TNFRSF10A: variants seen among roughly 807,000 people sequenced by gnomAD.
The protein encoded by TNFRSF10A is TNF receptor superfamily member 10a, also known as tumor necrosis factor receptor superfamily member 10A.
TNFRSF10A carries 44 observed loss-of-function variants against 42.8 expected under a neutral mutation model. The observed-to-expected ratio is 1.03, with a 90% CI of 0.81 to 1.32. The LOEUF is 1.32. Among genes scored for constraint, TNFRSF10A ranks in the 40% most tolerant of loss-of-function variants. The pLI, the probability that TNFRSF10A is intolerant of heterozygous loss-of-function variation, is 0.00. For missense variants in TNFRSF10A, 680 were observed against 602.0 expected, an observed-to-expected ratio of 1.13 and a Z score of -1.36; for synonymous variants, 259 against 234.2, an observed-to-expected ratio of 1.11 and a Z score of -0.97.
At chr8:23,223,316 C>G (rs55650056) in intron 1 of TNFRSF10A, among the ~76,000 whole-genome samples, 24,773 of 152,208 alleles carry the variant, frequency 0.16, 2,106 homozygotes, top group Middle Eastern at 0.24. Flanking sequence ...CCGCCCGCCT[C>G]GGCCTCCCAG....
intron 7 of TNFRSF10A, among the ~76,000 whole-genome samples, 161 bp downstream of exon 7, chr8:23,199,725 A>G (rs1248801532): frequency 1.3e-5 from 2 of 152,126 alleles, no homozygotes; most frequent in Non-Finnish European, 2.9e-5. Context: ...ATGATGCTCA[A>G]AAGGGCCTGT....
chr8:23,199,839 A>C lies in TNFRSF10A; in HGVS notation c.831+47T>G, dbSNP rs377652126. 9.5e-5 allele frequency: 153 copies of C among 1,613,886 alleles called. No homozygotes were observed. The Middle Eastern group carries it at 2.0e-3, about 21-fold the overall frequency. On this transcript the variant is annotated intron_variant, in intron 7 of 9. Coordinates refer to ENST00000221132, the MANE Select transcript of TNFRSF10A (RefSeq NM_003844.4). ...CTGGACTACACTGTGGGCAAGAAGC[A>C]GTTCCTGAGCCCCTGATGCCCCCAG... is the stretch of plus-strand genomic sequence containing the variant.
intron 2 of TNFRSF10A, chr8:23,207,512 G>A (rs78853375): frequency 0.019 from 6,419 of 340,654 alleles, 386 homozygotes; most frequent in African/African-American, 0.13. Flanking sequence ...CCTTTTTAAA[G>A]ACAGCAGAGG....
chr8:23,213,398 T>C (rs1158721470), intron 1 of TNFRSF10A, among the ~76,000 whole-genome samples: 1 of 150,976 alleles, frequency 6.6e-6, no homozygotes, highest in Non-Finnish European at 1.5e-5. Context: ...CTGTTATCTC[T>C]GATCTATTTT....
At chr8:23,207,984 A>C (rs1034987065) in intron 2 of TNFRSF10A, among the ~76,000 whole-genome samples, 4 of 152,076 alleles carry the variant, frequency 2.6e-5, no homozygotes, top group Non-Finnish European at 5.9e-5. Flanking sequence ...ATATGGAAGC[A>C]ACTTTGGAAC....
intron 2 of TNFRSF10A, among the ~76,000 whole-genome samples, chr8:23,209,007 G>A (rs1394626348): frequency 1.3e-5 from 2 of 152,178 alleles, no homozygotes; most frequent in African/African-American, 4.8e-5. Flanking sequence ...TTCCTGGTAG[G>A]AGTCCAGGGT....
At chr8:23,224,568 C>G (rs1363982985) in intron 1 of TNFRSF10A, 188 bp downstream of exon 1, 1 of 714,538 alleles carries the variant, frequency 1.4e-6, no homozygotes, top group Non-Finnish European at 2.3e-6. Flanking sequence ...GCCTCCAGGC[C>G]CGGGTCGCTC....
At chr8:23,217,091 C>T (rs986922101) in intron 1 of TNFRSF10A, among the ~76,000 whole-genome samples, 2 of 152,308 alleles carry the variant, frequency 1.3e-5, no homozygotes, top group African/African-American at 4.8e-5. Context: ...TCTGATCGTT[C>T]TATCAGTTGC....
At chr8:23,206,866 G>C in intron 2 of TNFRSF10A, 1 of 232,782 alleles carries the variant, frequency 4.3e-6, no homozygotes, top group Non-Finnish European at 8.7e-6. Flanking sequence ...AGCAAGTAAA[G>C]ATTTTGACTT....
rs1800760325 is a variant in TNFRSF10A at position 23,191,893 on chromosome 8, C to A, written c.1208G>T (p.Gly403Val). 1.2e-6 allele frequency: 2 copies of A among 1,614,044 alleles called. No individual in the cohort carries two copies. The highest frequency in any genetic ancestry group is 2.7e-5 in the African/African-American group (2 of 74,918). ...EIDVVRAGTA[G>V]PGDALYAMLM... The stretch of plus-strand genomic sequence containing the variant: ...CATTGCATACAAGGCATCCCCTGGG[C>A]CTGCTGTACCAGCTCTGACCACATC... Residue 403 changes from glycine (G) to valine (V), a missense_variant, in exon 10 of 10, where the codon GGC (glycine) becomes GTC (valine). Gly to Val is a moderately radical substitution (Grantham distance 109). Coordinates refer to ENST00000221132, the MANE Select transcript of TNFRSF10A (RefSeq NM_003844.4).
At chr8:23,211,250 T>C (rs1801088107) in intron 2 of TNFRSF10A, among the ~76,000 whole-genome samples, 1 of 152,192 alleles carries the variant, frequency 6.6e-6, no homozygotes, top group African/African-American at 2.4e-5. Context: ...ATTATATTTG[T>C]ATACACTCAC....
chr8:23,197,420 C>T (rs1471679014), intron 8 of TNFRSF10A: 2 of 585,816 alleles, frequency 3.4e-6, no homozygotes, highest in Non-Finnish European at 6.1e-6. Context: ...TCAGTGGCAA[C>T]ATTAGATTCT....
chr8:23,205,487 TA>T (rs893270980), intron 2 of TNFRSF10A, among the ~76,000 whole-genome samples: 1 of 152,208 alleles, frequency 6.6e-6, no homozygotes, highest in African/African-American at 2.4e-5. Context: ...CTATACATTG[TA>T]ATGTTATTTT....
intron 8 of TNFRSF10A, among the ~76,000 whole-genome samples, chr8:23,197,445 C>T (rs1800842544): frequency 6.6e-6 from 1 of 152,162 alleles, no homozygotes; most frequent in Non-Finnish European, 1.5e-5. Context: ...GGAGTGCAAA[C>T]CCTATTGTGA....
chr8:23,192,322 C>A (rs1800767991), intron 9 of TNFRSF10A, among the ~76,000 whole-genome samples: 1 of 152,180 alleles, frequency 6.6e-6, no homozygotes, highest in South Asian at 2.1e-4. Flanking sequence ...TGGGTGAGAG[C>A]CCGAGGGAGG....
At chr8:23,198,626 AAAAG>A (rs1050223260) in intron 8 of TNFRSF10A, among the ~76,000 whole-genome samples, 2 of 152,214 alleles carry the variant, frequency 1.3e-5, no homozygotes, top group Non-Finnish European at 2.9e-5. Flanking sequence ...AAAAGAAAAA[AAAAG>A]AAAAGAAAAA....
intron 1 of TNFRSF10A, among the ~76,000 whole-genome samples, chr8:23,214,475 C>A (rs1182861427): frequency 6.9e-6 from 1 of 144,066 alleles, no homozygotes; most frequent in African/African-American, 2.6e-5. Flanking sequence ...ACGACAGAGC[C>A]AGACTGTCTC....
rs925635923 is a variant in TNFRSF10A at position 23,196,438 on chromosome 8, C to T, written c.1087+694G>A. Among the ~76,000 whole-genome samples, 7 of 152,068 alleles carry T rather than the reference C, an allele frequency of 4.6e-5. No individual in the cohort carries two copies. In the South Asian group the frequency reaches 1.0e-3, roughly 23 times the overall value. On this transcript the variant is annotated intron_variant, in intron 9 of 9. Transcript: ENST00000221132. Reference sequence around the variant, plus strand: ...GTCTCGATCTCCTGACCTTGTGATTCGCCCGCCTCGGCCTCCCAAAGTACT... The same window carrying T: ...GTCTCGATCTCCTGACCTTGTGATTTGCCCGCCTCGGCCTCCCAAAGTACT...
intron 1 of TNFRSF10A, among the ~76,000 whole-genome samples, chr8:23,223,836 G>A (rs2128852521): frequency 6.6e-6 from 1 of 152,334 alleles, no homozygotes; most frequent in South Asian, 2.1e-4. Flanking sequence ...CCTCCTGAAG[G>A]AAGGGCGTGC....
Sources: gnomAD v4.1 joint callset for allele counts (sites outside exome capture counted in the v4.1 genomes callset) on GRCh38, gnomAD v4.1.1 for gene constraint, MANE v1.5 for transcripts, NCBI Gene and HGNC (gene_info 2026-07-23, HGNC 2026-07-21) for gene names.